Variants in PTPRD observed in about 807,000 individuals in gnomAD.
PTPRD encodes receptor-type tyrosine-protein phosphatase delta.
A neutral mutation model predicts 214.5 loss-of-function variants in PTPRD; 34 were observed. The observed-to-expected ratio is 0.16, with a 90% CI of 0.12 to 0.21. The LOEUF is 0.21. Among genes scored for constraint, PTPRD ranks in the 10% least tolerant of loss-of-function variants. The pLI is 1.00. For missense variants in PTPRD, 2,545 were observed against 2,398.7 expected, an observed-to-expected ratio of 1.06 and a Z score of -1.27; for synonymous variants, 1,128 against 845.7, an observed-to-expected ratio of 1.33 and a Z score of -5.79.
chr9:9,165,628 C>G (rs1025464193), intron 10 of PTPRD, among the ~76,000 whole-genome samples: 1 of 152,028 alleles, frequency 6.6e-6, no homozygotes, highest in Non-Finnish European at 1.5e-5. Flanking sequence ...TGTGAGACCA[C>G]TAATAATTTC....
chr9:10,238,436 A>G (rs1052778378), intron 3 of PTPRD, among the ~76,000 whole-genome samples: 2 of 151,932 alleles, frequency 1.3e-5, no homozygotes, highest in African/African-American at 2.4e-5. Flanking sequence ...CCATGTTATC[A>G]AACTTCCAAC....
chr9:9,871,003 T>C (rs1274330991), intron 5 of PTPRD, among the ~76,000 whole-genome samples: 1 of 152,098 alleles, frequency 6.6e-6, no homozygotes, highest in Non-Finnish European at 1.5e-5. Flanking sequence ...AAATTACTAC[T>C]CCATAAAAAT....
At chr9:10,026,120 A>G (rs1436817165) in intron 4 of PTPRD, among the ~76,000 whole-genome samples, 1 of 152,220 alleles carries the variant, frequency 6.6e-6, no homozygotes, top group Non-Finnish European at 1.5e-5. Flanking sequence ...AGAAAGTGCC[A>G]GCTTTAAATA....
intron 12 of PTPRD, among the ~76,000 whole-genome samples, chr9:8,714,443 C>T (rs1301482713): frequency 1.3e-5 from 2 of 152,154 alleles, no homozygotes; most frequent in Non-Finnish European, 2.9e-5. Context: ...CCCAACATCA[C>T]TAGCAAACTC....
intron 2 of PTPRD, among the ~76,000 whole-genome samples, chr9:10,478,180 G>A (rs190069106): frequency 9.2e-5 from 14 of 151,946 alleles, no homozygotes; most frequent in Non-Finnish European, 1.5e-4. Flanking sequence ...AATACCACCC[G>A]AATTCACAGT....
chr9:8,695,146 G>C (rs2097884279), intron 12 of PTPRD, among the ~76,000 whole-genome samples: 1 of 152,064 alleles, frequency 6.6e-6, no homozygotes, highest in South Asian at 2.1e-4. Context: ...CTACAGGCCT[G>C]CAGCAGCTCT....
intron 9 of PTPRD, among the ~76,000 whole-genome samples, chr9:9,196,266 A>G (rs963338497): frequency 1.3e-5 from 2 of 152,228 alleles, no homozygotes; most frequent in South Asian, 4.1e-4. Context: ...GTGAAATTAT[A>G]TGAAATAGTC....
Position 10,127,930 on chromosome 9 carries a change from C to T in PTPRD, c.-544-94140G>A, listed in dbSNP as rs138441381. Among the ~76,000 whole-genome samples the T allele has an allele frequency of 2.2e-4, 34 of 152,214 alleles. No homozygotes were observed. The East Asian group carries it at 6.0e-3, about 27-fold the overall frequency. On this transcript the variant is annotated intron_variant, in intron 3 of 45. Coordinates refer to ENST00000381196, the MANE Select transcript of PTPRD (RefSeq NM_002839.4). ...ATATAGGGTGTGGAGAATGGCAAAT[C>T]ACAAATCATATGATCACCAGAAAAA...
chr9:8,940,986 A>C (rs969323842), intron 11 of PTPRD, among the ~76,000 whole-genome samples: 5 of 152,126 alleles, frequency 3.3e-5, no homozygotes, highest in African/African-American at 1.2e-4. Context: ...TATAGACTAA[A>C]GGCATGGCTT....
rs114986494 is a variant in PTPRD at position 9,698,363 on chromosome 9, A to G, written c.-287+36170T>C. On this transcript the variant is annotated intron_variant, in intron 7 of 45. Coordinates refer to ENST00000381196, the MANE Select transcript of PTPRD (RefSeq NM_002839.4). Reference sequence around the variant, plus strand: ...AGTTACTTTCTCCTTTTTAGCACTAAAGAGTGCCTTAAGCCCGGGTTTGTC... The same window carrying G: ...AGTTACTTTCTCCTTTTTAGCACTAGAGAGTGCCTTAAGCCCGGGTTTGTC... 3.6e-3 allele frequency among the ~76,000 whole-genome samples: 553 copies of G among 152,256 alleles called. 4 individuals are homozygous for G. The highest frequency in any genetic ancestry group is 0.012 in the African/African-American group (517 of 41,536).
chr9:8,812,873 G>C (rs2096839826), intron 11 of PTPRD, among the ~76,000 whole-genome samples: 1 of 151,876 alleles, frequency 6.6e-6, no homozygotes. Context: ...ATGTAACATA[G>C]CCTGATGCAA....
chr9:9,572,850 C>T (rs2086969478), intron 8 of PTPRD, among the ~76,000 whole-genome samples: 2 of 151,292 alleles, frequency 1.3e-5, no homozygotes, highest in African/African-American at 4.8e-5. Flanking sequence ...TATAATACCC[C>T]TATTCACATA....
intron 11 of PTPRD, among the ~76,000 whole-genome samples, chr9:8,803,684 A>C (rs2096616037): frequency 2.6e-5 from 4 of 151,846 alleles, no homozygotes; most frequent in African/African-American, 9.7e-5. Flanking sequence ...TGATCGGCTC[A>C]CTTGTAACCA....
intron 2 of PTPRD, among the ~76,000 whole-genome samples, chr9:10,490,058 T>A (rs1476317875): frequency 6.6e-6 from 1 of 152,192 alleles, no homozygotes; most frequent in Non-Finnish European, 1.5e-5. Flanking sequence ...GGGAAGAGAA[T>A]AATCAGTAGA....
At chr9:8,418,532 G>C (rs1247310033) in intron 35 of PTPRD, among the ~76,000 whole-genome samples, 2 of 151,680 alleles carry the variant, frequency 1.3e-5, no homozygotes, top group African/African-American at 2.4e-5. Flanking sequence ...TCTAGAAAAT[G>C]GCTAGCCCAG....
chr9:8,761,502 A>T (rs1196448887), intron 11 of PTPRD, among the ~76,000 whole-genome samples: 1 of 152,196 alleles, frequency 6.6e-6, no homozygotes, highest in Non-Finnish European at 1.5e-5. Context: ...CTAAATTAGA[A>T]TTGGAGGATA....
chr9:9,963,241 T>C (rs1486791541), intron 4 of PTPRD, among the ~76,000 whole-genome samples: 1 of 152,116 alleles, frequency 6.6e-6, no homozygotes, highest in African/African-American at 2.4e-5. Flanking sequence ...GAAAAAAACT[T>C]ACTTGACTCC....
intron 7 of PTPRD, among the ~76,000 whole-genome samples, chr9:9,607,861 G>T (rs1243985769): frequency 2.0e-5 from 3 of 152,010 alleles, no homozygotes; most frequent in African/African-American, 7.3e-5. Context: ...TGTCAGGTGG[G>T]TAGTGACTGA....
intron 10 of PTPRD, among the ~76,000 whole-genome samples, chr9:9,134,680 T>C (rs1484687334): frequency 1.3e-5 from 2 of 152,200 alleles, no homozygotes; most frequent in African/African-American, 2.4e-5. Context: ...GGCTGCTTCC[T>C]CTGGCTATTT....
Sources: allele counts gnomAD v4.1 joint callset (sites outside exome capture counted in the v4.1 genomes callset), GRCh38; gene constraint gnomAD v4.1.1; transcripts MANE v1.5; gene names NCBI Gene and HGNC (gene_info 2026-07-23, HGNC 2026-07-21).